TBCK: variants seen among roughly 807,000 people sequenced by gnomAD.
TBCK encodes the protein TBC domain-containing protein kinase-like protein.
In TBCK, 99 loss-of-function variants were observed where a neutral mutation model predicts 113.4. That is an observed-to-expected ratio of 0.87 (90% CI 0.74 to 1.03). The LOEUF (loss-of-function observed/expected upper bound fraction) is 1.03, where lower values mean the gene tolerates loss of function less well. Ranked by LOEUF, TBCK falls within the 50% of genes least tolerant of loss-of-function variation. The pLI, the probability that TBCK is intolerant of heterozygous loss-of-function variation, is 0.00. For synonymous variants in TBCK, 369 were observed against 370.8 expected (o/e 1.00, Z 0.05); for missense variants, 1,045 against 1,061.3 (o/e 0.98, Z 0.21).
At chr4:106,224,609 C>A (rs1758039814) in intron 19 of TBCK, among the ~76,000 whole-genome samples, 1 of 152,066 alleles carries the variant, frequency 6.6e-6, no homozygotes, top group Non-Finnish European at 1.5e-5. Flanking sequence ...TAATTCTAAG[C>A]CTAAAATAAA....
chr4:106,073,455 G>T (rs1737748255), intron 25 of TBCK, among the ~76,000 whole-genome samples: 1 of 152,188 alleles, frequency 6.6e-6, no homozygotes, highest in Non-Finnish European at 1.5e-5. Flanking sequence ...CTGCAGAACA[G>T]CAAATACTGC....
intron 23 of TBCK, among the ~76,000 whole-genome samples, chr4:106,120,932 G>C (rs1357352804): frequency 6.6e-6 from 1 of 152,176 alleles, no homozygotes; most frequent in Non-Finnish European, 1.5e-5. Context: ...AAGGAACGCA[G>C]TTCCTCACCA....
chr4:106,215,307 C>A (rs904729088), intron 19 of TBCK, among the ~76,000 whole-genome samples: 3 of 151,748 alleles, frequency 2.0e-5, no homozygotes, highest in Non-Finnish European at 4.4e-5. Context: ...ACTGCATCAA[C>A]TAAGGAGCAA....
chr4:106,137,011 A>T (rs1746636975), intron 23 of TBCK, among the ~76,000 whole-genome samples: 1 of 141,296 alleles, frequency 7.1e-6, no homozygotes, highest in African/African-American at 2.5e-5. Context: ...ATTAGAAAAA[A>T]AGATATTAAC....
At chr4:106,267,469 CTG>C (rs1763095973) in intron 3 of TBCK, among the ~76,000 whole-genome samples, 1 of 151,830 alleles carries the variant, frequency 6.6e-6, no homozygotes, top group African/African-American at 2.4e-5. Flanking sequence ...GATTTACAAA[CTG>C]ATAATTATAA....
At chr4:106,199,226 C>T (rs946645330) in intron 20 of TBCK, among the ~76,000 whole-genome samples, 1 of 152,124 alleles carries the variant, frequency 6.6e-6, no homozygotes. Context: ...GGCCAATTCT[C>T]AATTGCAATC....
chr4:106,262,288 T>C, intron 3 of TBCK, 76 bp from the exon 4 acceptor site: 1 of 712,080 alleles, frequency 1.4e-6, no homozygotes, highest in East Asian at 2.9e-5. Context: ...AAATGTGACC[T>C]AGTGAAAATA....
intron 22 of TBCK, among the ~76,000 whole-genome samples, chr4:106,183,491 C>G (rs1359429777): frequency 6.6e-6 from 1 of 152,016 alleles, no homozygotes; most frequent in Non-Finnish European, 1.5e-5. Flanking sequence ...ATACTATTTT[C>G]TAAGCTGCCA....
chr4:106,223,545 T>C (rs890689516), intron 19 of TBCK, among the ~76,000 whole-genome samples: 2 of 152,144 alleles, frequency 1.3e-5, no homozygotes, highest in Non-Finnish European at 2.9e-5. Flanking sequence ...ATATTAAATG[T>C]TGGGGACATC....
At chr4:106,280,924 T>C (rs532364901) in intron 3 of TBCK, among the ~76,000 whole-genome samples, 18 of 152,294 alleles carry the variant, frequency 1.2e-4, no homozygotes, top group African/African-American at 4.1e-4. Context: ...TGTGGTTCCA[T>C]ATAAGTTTTA....
chr4:106,057,816 C>G (rs1735600263), intron 25 of TBCK, among the ~76,000 whole-genome samples: 1 of 151,686 alleles, frequency 6.6e-6, no homozygotes, highest in Non-Finnish European at 1.5e-5. Context: ...TGCATTCTGC[C>G]TTCAATTTTA....
At chr4:106,214,059 C>CA (rs1756534085) in intron 19 of TBCK, among the ~76,000 whole-genome samples, 1 of 152,270 alleles carries the variant, frequency 6.6e-6, no homozygotes, top group South Asian at 2.1e-4. Flanking sequence ...GGTCCCTGAC[C>CA]CCTGACCCCC....
intron 12 of TBCK, among the ~76,000 whole-genome samples, chr4:106,239,445 A>G (rs1482587595): frequency 2.0e-5 from 3 of 152,134 alleles, no homozygotes; most frequent in African/African-American, 7.2e-5. Context: ...AAGAAAACAT[A>G]TAACACATCA....
chr4:106,203,507 A>T (rs1359539609), intron 20 of TBCK, among the ~76,000 whole-genome samples: 1 of 151,852 alleles, frequency 6.6e-6, no homozygotes, highest in Non-Finnish European at 1.5e-5. Context: ...ACCAAAGATT[A>T]TATTAGTTAT....
At position 106,251,898 on chromosome 4, in the gene TBCK, A is replaced by G; in HGVS notation, c.565T>C (p.Ser189Pro). 6.2e-7 allele frequency: 1 copy of G among 1,608,946 alleles called. No homozygotes were observed. Residue 189 changes from serine to proline, a missense_variant, in exon 6 of 26, where the codon TCT becomes CCT. By Grantham distance (74) the Ser-to-Pro change is moderately conservative (BLOSUM62 -1). Transcript: ENST00000394708. ...LPSGPKSDVW[S>P]LGIILFELCV... ...AGCTCAAATAAAATGATTCCAAGAG[A>G]CCATACATCTGATTTGGGGCCAGAA...
At chr4:106,289,924 C>G (rs916461752) in intron 3 of TBCK, among the ~76,000 whole-genome samples, 2 of 152,052 alleles carry the variant, frequency 1.3e-5, no homozygotes, top group Non-Finnish European at 2.9e-5. Context: ...AGAGACTTGT[C>G]CAAGGATGCC....
chr4:106,299,349 A>C (rs1766672526), intron 2 of TBCK, among the ~76,000 whole-genome samples: 1 of 152,242 alleles, frequency 6.6e-6, no homozygotes, highest in Admixed American at 6.5e-5. Context: ...ACTTTCATGT[A>C]AAACAAAAAC....
intron 20 of TBCK, among the ~76,000 whole-genome samples, chr4:106,205,772 CAACAAAAAA>C (rs1560818121): frequency 2.1e-5 from 3 of 140,240 alleles, no homozygotes; most frequent in African/African-American, 7.8e-5. Context: ...AAAAAAAAAA[CAACAAAAAA>C]AACAAAAAAA....
intron 22 of TBCK, among the ~76,000 whole-genome samples, chr4:106,182,926 C>T (rs956437250): frequency 2.6e-5 from 4 of 151,978 alleles, no homozygotes; most frequent in African/African-American, 9.7e-5. Context: ...AGTCTTCCAA[C>T]AAAGAATTAA....
Sources: gnomAD v4.1 joint callset for allele counts (sites outside exome capture counted in the v4.1 genomes callset) on GRCh38, gnomAD v4.1.1 for gene constraint, MANE v1.5 for transcripts, NCBI Gene and HGNC (gene_info 2026-07-23, HGNC 2026-07-21) for gene names.